The following ARHGEF18 variants were observed in gnomAD, a reference collection of about 807,000 sequenced individuals.
ARHGEF18 encodes rho guanine nucleotide exchange factor 18.
In ARHGEF18, 93 loss-of-function variants were observed where a neutral mutation model predicts 155.7. The observed-to-expected ratio is 0.60, with a 90% confidence interval of 0.50 to 0.71. The LOEUF (loss-of-function observed/expected upper bound fraction) is 0.71. ARHGEF18 is among the 30% of genes least tolerant of loss of function. The pLI, the probability that ARHGEF18 is intolerant of heterozygous loss-of-function variation, is 0.00. For synonymous variants in ARHGEF18, 742 were observed against 753.1 expected (o/e 0.99, Z 0.24); for missense variants, 1,593 against 1,816.1 (o/e 0.88, Z 2.23).
chr19:7,453,398 T>G, intron 16 of ARHGEF18, 69 bp from the exon 17 acceptor site: 2 of 1,519,514 alleles, frequency 1.3e-6, no homozygotes, highest in Non-Finnish European at 1.8e-6. Context: ...TGTCCATACA[T>G]AGTGAGTGTG....
chr19:7,439,011 A>G (rs1278581639), intron 10 of ARHGEF18, among the ~76,000 whole-genome samples: 1 of 152,054 alleles, frequency 6.6e-6, no homozygotes, highest in Non-Finnish European at 1.5e-5. Flanking sequence ...AGCTGAGATT[A>G]CAGGCATCCA....
rs570088617 is a variant in ARHGEF18, at chr19:7,458,758, G to T, written c.2360+68G>T. 3.9e-5 allele frequency: 59 copies of T among 1,505,208 alleles called. No individual in the cohort carries two copies. The East Asian group carries it at 1.4e-3, about 35-fold the overall frequency. The allele number at this position is 1,505,208 out of a possible 1,614,324, so 93.2% of individuals were successfully genotyped here. Reference sequence around the variant, plus strand: ...CGCTGATTGGTCCACCCTTGGCTTCGACCGTTGGCCATCAGCTGTGACCTT... The same window carrying T: ...CGCTGATTGGTCCACCCTTGGCTTCTACCGTTGGCCATCAGCTGTGACCTT... On this transcript the variant is annotated intron_variant, in intron 19 of 28. Transcript: ENST00000668164.
intron 10 of ARHGEF18, among the ~76,000 whole-genome samples, chr19:7,439,039 TTTTTGTA>T (rs1190563544): frequency 2.6e-5 from 4 of 152,018 alleles, no homozygotes; most frequent in South Asian, 2.1e-4. Context: ...GCCCTTCTAA[TTTTTGTA>T]TTTTGTATTT....
chr19:7,381,698 TAAATA>T (rs1970750212), intron 8 of ARHGEF18, among the ~76,000 whole-genome samples: 1 of 148,136 alleles, frequency 6.8e-6, no homozygotes, highest in African/African-American at 2.5e-5. Context: ...AAATAATAAA[TAAATA>T]AATAAATAAA....
At chr19:7,424,171 C>T (rs751758095) in intron 10 of ARHGEF18, among the ~76,000 whole-genome samples, 3 of 152,074 alleles carry the variant, frequency 2.0e-5, no homozygotes, top group Non-Finnish European at 4.4e-5. Flanking sequence ...GGATTACAGG[C>T]GCCCACCACC....
chr19:7,438,911 C>A (rs138563522), intron 10 of ARHGEF18, among the ~76,000 whole-genome samples: 1 of 150,596 alleles, frequency 6.6e-6, no homozygotes, highest in Non-Finnish European at 1.5e-5. Context: ...CTCACTCTGT[C>A]GCCCAGGCTG....
chr19:7,449,583 G>A (rs964741531), intron 15 of ARHGEF18, among the ~76,000 whole-genome samples: 1 of 152,168 alleles, frequency 6.6e-6, no homozygotes, highest in African/African-American at 2.4e-5. Context: ...GAGGGTTCCA[G>A]CAGTCATGGG....
In ARHGEF18 at chr19:7,469,081, G is replaced by A. The variant is rs2145919594; in HGVS notation, c.3737G>A (p.Gly1246Asp). 6.2e-7 allele frequency: 1 copy of A among 1,609,258 alleles called. No individual in the cohort carries two copies. The highest frequency in any genetic ancestry group is 8.5e-7 in the Non-Finnish European group (1 of 1,178,828). The change falls in exon 27 of 29, where the codon GGC becomes GAC. Residue 1246 changes from glycine (G) to aspartate (D), a missense_variant. Coordinates refer to ENST00000668164, the MANE Select transcript of ARHGEF18 (RefSeq NM_001367823.1). ...AAGCTGGCGGCCTCCACCAAGGGTG[G>A]CAAGGACAAGGGCGGCAAGAGCAGG... ...PTKLAASTKG[G>D]KDKGGKSRGS...
intron 19 of ARHGEF18, among the ~76,000 whole-genome samples, chr19:7,459,037 TC>T (rs1284731425): frequency 6.6e-6 from 1 of 152,030 alleles, no homozygotes; most frequent in Non-Finnish European, 1.5e-5. Context: ...TGGCTTCCCC[TC>T]CCTCTCTTTA....
chr19:7,423,605 G>A (rs1165069251), intron 10 of ARHGEF18, among the ~76,000 whole-genome samples: 1 of 151,554 alleles, frequency 6.6e-6, no homozygotes, highest in Non-Finnish European at 1.5e-5. Flanking sequence ...GGAGGCTGAG[G>A]CACGAGAATC....
At chr19:7,353,347 G>A (rs545352982) in intron 1 of ARHGEF18, among the ~76,000 whole-genome samples, 2 of 151,958 alleles carry the variant, frequency 1.3e-5, no homozygotes, top group East Asian at 3.9e-4. Context: ...TCAGCACTTT[G>A]GGAGGCTGAG....
In ARHGEF18 at chr19:7,462,478, C is replaced by A; in HGVS notation, c.2635+144C>A. 9.8e-7 allele frequency: 1 copy of A among 1,016,960 alleles called. No homozygotes were observed. The allele number at this position is 1,016,960 out of a possible 1,614,324, so 63.0% of individuals were successfully genotyped here. A position where few individuals can be genotyped will look rare whatever the true frequency, so the allele number is the denominator to read the frequency against. On this transcript the variant is annotated intron_variant, in intron 21 of 28. Transcript: ENST00000668164. The surrounding 1 kb of genome is among the most constrained non-coding windows in gnomAD (Gnocchi z 4.4). The stretch of plus-strand genomic sequence containing the variant: ...CTATGTGGGGGGGGCCCAGGAGCAG[C>A]ACTGACCGCCCCCCGGTGCCTGTGA...
At chr19:7,401,041 A>G (rs1324988871) in intron 10 of ARHGEF18, among the ~76,000 whole-genome samples, 1 of 152,174 alleles carries the variant, frequency 6.6e-6, no homozygotes, top group Non-Finnish European at 1.5e-5. Flanking sequence ...AATTGAATTT[A>G]GAAACCATAG....
At chr19:7,456,257 G>A (rs970819797) in intron 17 of ARHGEF18, 70 bp from the exon 18 acceptor site, 85 of 1,420,292 alleles carry the variant, frequency 6.0e-5, no homozygotes, top group Admixed American at 1.7e-4. Flanking sequence ...AGTGGCATCC[G>A]CGGGGGTGGC....
chr19:7,451,826 A>G (rs924597748), intron 16 of ARHGEF18, among the ~76,000 whole-genome samples: 6 of 151,874 alleles, frequency 4.0e-5, no homozygotes, highest in Admixed American at 3.9e-4. Flanking sequence ...GGTTCAAGTG[A>G]TTCTCCTGCC....
intron 15 of ARHGEF18, among the ~76,000 whole-genome samples, chr19:7,449,487 C>T (rs1975222302): frequency 1.3e-5 from 2 of 152,002 alleles, no homozygotes; most frequent in South Asian, 4.2e-4. Flanking sequence ...ACAGGAGAAT[C>T]GCTTAAACTT....
chr19:7,420,593 C>T lies in ARHGEF18; in HGVS notation c.968-19751C>T, dbSNP rs1056253732. Among the ~76,000 whole-genome samples, 6 of 152,298 alleles carry T rather than the reference C, an allele frequency of 3.9e-5. No individual in the cohort carries two copies. In the East Asian group the frequency reaches 1.2e-3, roughly 29 times the overall value. ...TAAGTGACTTGCTTTTCAGTTTTTC[C>T]AAAGCATTTGACTCTGTTTCGTAGA... On this transcript the variant is annotated intron_variant, in intron 10 of 28. Transcript: ENST00000668164.
chr19:7,395,122 C>G lies in ARHGEF18; in HGVS notation c.967+11919C>G, dbSNP rs1971618408. On this transcript the variant is annotated intron_variant, in intron 10 of 28. Coordinates refer to ENST00000668164, the MANE Select transcript of ARHGEF18 (RefSeq NM_001367823.1). This position sits in a 1 kb window ranked among gnomAD's most constrained non-coding sequence, Gnocchi z 5.0. ...CGCATGCGCTGCTCTCCTCGCGCGG[C>G]TTCCCGCTTCCGGCTCCCAGCTGCT... 1 of 985,444 alleles carries G rather than the reference C, an allele frequency of 1.0e-6. No individual in the cohort carries two copies. Among genetic ancestry groups the G allele is most frequent in the Admixed American group, 6.1e-5 (1 of 16,276 alleles). 61.0% of individuals were successfully genotyped at this position (985,444 alleles called of 1,614,324 possible). A position where few individuals can be genotyped will look rare whatever the true frequency, so the allele number is the denominator to read the frequency against.
rs757592812 is a variant in ARHGEF18, at chr19:7,463,897, C to T, written c.2715C>T (p.Gly905=). 1.2e-6 allele frequency: 2 copies of T among 1,600,210 alleles called. No homozygotes were observed. The highest frequency in any genetic ancestry group is 1.7e-6 in the Non-Finnish European group (2 of 1,174,066). ...GQAEDGGSST[G]PPRRAETFAG... is the part of the protein sequence containing the mutation. ...CGGAAGACGGAGGCAGCTCCACAGG[C>T]CCGCCCAGGAGGGCTGAGACCTTCG... is the stretch of plus-strand genomic sequence containing the variant. Residue 905 remains glycine (G), a synonymous_variant, in exon 22 of 29, where the codon GGC becomes GGT. Transcript: ENST00000668164. This position sits in a 1 kb window ranked among gnomAD's most constrained non-coding sequence, Gnocchi z 5.2.
Sources: gnomAD v4.1 joint callset for allele counts (sites outside exome capture counted in the v4.1 genomes callset) on GRCh38, gnomAD v4.1.1 for gene constraint, Gnocchi (gnomAD v3.1) non-coding constraint, MANE v1.5 for transcripts, NCBI Gene and HGNC (gene_info 2026-07-23, HGNC 2026-07-21) for gene names.